PRSS22: variants seen among roughly 807,000 people sequenced by gnomAD.
The protein encoded by PRSS22 is serine protease 22.
Under a neutral mutation model 28.0 loss-of-function variants are expected in PRSS22, and 26 were observed. That is an observed-to-expected ratio of 0.93 (90% CI 0.68 to 1.29). The LOEUF is 1.29. Among genes scored for constraint, PRSS22 ranks in the 50% most tolerant of loss-of-function variants. The pLI, the probability that PRSS22 is intolerant of heterozygous loss-of-function variation, is 0.00. For synonymous variants in PRSS22, 217 were observed against 177.9 expected, an observed-to-expected ratio of 1.22 and a Z score of -1.75; for missense variants, 444 against 422.1, an observed-to-expected ratio of 1.05 and a Z score of -0.46.
At position 2,855,347 on chromosome 16, in the gene PRSS22, C is replaced by CAAAAAAAA. The variant is rs33950878; in HGVS notation, c.559+219_559+226dup. Among the ~76,000 whole-genome samples the CAAAAAAAA allele has an allele frequency of 3.6e-3, 246 of 68,994 alleles. 14 individuals carry two copies. The highest frequency in any genetic ancestry group is 0.014 in the African/African-American group (227 of 15,814). The allele number at this position is 68,994 out of a possible 152,430, so 45.3% of individuals were successfully genotyped here. On this transcript the variant is annotated intron_variant, in intron 4 of 5. Coordinates refer to ENST00000161006, the MANE Select transcript of PRSS22 (RefSeq NM_022119.4). ...TGGGTGACAGAGTAACACCCTGTCT[C>CAAAAAAAA]AAAAAAAAAAAAAAAAAAAAGAAGA... is the stretch of plus-strand genomic sequence containing the variant.
At position 2,852,871 on chromosome 16, in the gene PRSS22, C is replaced by A. The variant is rs1431619341; in HGVS notation, c.*222G>T. 1 of 536,788 alleles carries A rather than the reference C, an allele frequency of 1.9e-6. No homozygotes were observed. The highest frequency in any genetic ancestry group is 3.7e-5 in the Admixed American group (1 of 27,006). 33.3% of individuals were successfully genotyped at this position (536,788 alleles called of 1,614,324 possible). A position where few individuals can be genotyped will look rare whatever the true frequency, so the allele number is the denominator to read the frequency against. On this transcript the variant is annotated 3_prime_UTR_variant, in exon 6 of 6. Transcript: ENST00000161006. ...GGGCCGGAAGTCGTGGGGGCGGGGA[C>A]ATGAGGCCGTTGGGCGGGGCCTGAT... is the stretch of plus-strand genomic sequence containing the variant.
At chr16:2,856,699 A>C (rs2069460903) in intron 2 of PRSS22, 123 bp downstream of exon 2, 1 of 1,136,028 alleles carries the variant, frequency 8.8e-7, no homozygotes, top group Non-Finnish European at 1.3e-6. Context: ...CTTCCCCTCT[A>C]GCTCTTTCCC....
rs746447517 is a variant in PRSS22 at position 2,856,080 on chromosome 16, A to G, written c.281+2T>C. On this transcript the variant is annotated splice_donor_variant, in intron 3 of 5. Transcript: ENST00000161006. LOFTEE classifies it high-confidence loss of function. ...CAAGTGCCCCAGGCCGGCTGTACAT[A>G]CTCCTTGAAACAGTGGGCAGCAGTG... is the stretch of plus-strand genomic sequence containing the variant. 1.9e-6 allele frequency: 3 copies of G among 1,613,196 alleles called. No individual in the cohort carries two copies. The highest frequency in any genetic ancestry group is 2.7e-5 in the African/African-American group (2 of 74,790).
chr16:2,853,847 G>T lies in PRSS22; in HGVS notation c.717+18C>A. ...CGAGGCCCTCCTGGCCAGGGGTGGG[G>T]GGCTCGAGGGAGCTCACCAGACAAG... On this transcript the variant is annotated intron_variant, in intron 5 of 5. Transcript: ENST00000161006. The surrounding 1 kb of genome is among the most constrained non-coding windows in gnomAD (Gnocchi z 4.6). 6.2e-7 allele frequency: 1 copy of T among 1,612,816 alleles called. No homozygotes were observed. The highest frequency in any genetic ancestry group is 8.5e-7 in the Non-Finnish European group (1 of 1,179,778).
In PRSS22 at chr16:2,855,661, G is replaced by A. The variant is rs375061746; in HGVS notation, c.472C>T (p.Leu158=). 89 of 1,614,084 alleles carry A rather than the reference G, an allele frequency of 5.5e-5. No individual in the cohort carries two copies. The highest frequency in any genetic ancestry group is 7.0e-5 in the Non-Finnish European group (83 of 1,180,052). ...GAGGCATCAGGTAGGCAGATGGGCA[G>A]GACCCGCTCTGAGAACTGTATGGAG... ...ERSIQFSERV[L]PICLPDASIH... is the part of the protein sequence containing the mutation. Residue 158 remains leucine (L), a synonymous_variant, in exon 4 of 6, where the codon CTG becomes TTG. Transcript: ENST00000161006.
chr16:2,858,002 A>G (rs955423670), intron 1 of PRSS22, 21 bp downstream of exon 1: 26 of 1,267,744 alleles, frequency 2.1e-5, no homozygotes, highest in Non-Finnish European at 2.3e-5. Context: ...GGGAGGAGGG[A>G]GGAGCAGCCT....
Position 2,854,292 on chromosome 16 carries a change from G to C in PRSS22, c.560-270C>G, listed in dbSNP as rs1167018331. The C allele has an allele frequency of 1.2e-5, 5 of 413,862 alleles. No homozygotes were observed. In the Admixed American group the frequency reaches 1.8e-4, roughly 15 times the overall value. 25.6% of individuals were successfully genotyped at this position (413,862 alleles called of 1,614,324 possible). A position where few individuals can be genotyped will look rare whatever the true frequency, so the allele number is the denominator to read the frequency against. On this transcript the variant is annotated intron_variant, in intron 4 of 5. Transcript: ENST00000161006. Reference sequence around the variant, plus strand: ...TCCACAGATGGTTAGAGCCCTTCCTGTCTCAGATACTGCATTACTTCATCC... The same window carrying C: ...TCCACAGATGGTTAGAGCCCTTCCTCTCTCAGATACTGCATTACTTCATCC...
At position 2,856,062 on chromosome 16, in the gene PRSS22, C is replaced by T. The variant is rs774526540; in HGVS notation, c.281+20G>A. On this transcript the variant is annotated intron_variant, in intron 3 of 5. Transcript: ENST00000161006. The stretch of plus-strand genomic sequence containing the variant: ...CCCAGGGCCTTAGAAGATCAAGTGC[C>T]CCAGGCCGGCTGTACATACTCCTTG... 1.2e-6 allele frequency: 2 copies of T among 1,610,040 alleles called. No individual in the cohort carries two copies. The highest frequency in any genetic ancestry group is 1.7e-5 in the Admixed American group (1 of 59,892).
rs377217982 is a variant in PRSS22 at position 2,855,848 on chromosome 16, G to A, written c.285C>T (p.Asn95=). The change falls in exon 4 of 6, where the codon AAC becomes AAT. Residue 95 remains asparagine (N), a synonymous_variant. Transcript: ENST00000161006. ...VITAAHCFKD[N]LNKPYLFSVL... ...CAGAGAACAGGTATGGTTTGTTCAG[G>A]TTGCTGGAAGGAAAGGGAAGGGGAG... 4 of 1,610,810 alleles carry A rather than the reference G, an allele frequency of 2.5e-6. No individual in the cohort carries two copies. The African/African-American group carries it at 4.0e-5, about 16-fold the overall frequency.
chr16:2,853,128 G>C lies in PRSS22; in HGVS notation c.919C>G (p.Pro307Ala), dbSNP rs1219417710. 3.8e-6 allele frequency: 6 copies of C among 1,596,260 alleles called. No individual in the cohort carries two copies. Among genetic ancestry groups the C allele is most frequent in the Non-Finnish European group, 5.1e-6 (6 of 1,178,338 alleles). ...GCGGCGGCCCCAGAGCCCTGGCTCG[G>C]TGCCCTGAGGGCCCCACCCCCCTGA... The part of the protein sequence containing the change: ...RAQGGGALRA[P>A]SQGSGAAARS Residue 307 changes from proline (P) to alanine (A), a missense_variant, in exon 6 of 6, where the codon CCG (proline) becomes GCG (alanine). Physicochemically the swap from Pro to Ala is conservative, Grantham distance 27 (BLOSUM62 -1). Transcript: ENST00000161006. This position sits in a 1 kb window ranked among gnomAD's most constrained non-coding sequence, Gnocchi z 4.6.
rs1301790668 is a variant in PRSS22, at chr16:2,853,265, C to G, written c.782G>C (p.Ser261Thr). 6 of 1,600,764 alleles carry G rather than the reference C, an allele frequency of 3.7e-6. No homozygotes were observed. The South Asian group carries it at 6.6e-5, about 18-fold the overall frequency. The change falls in exon 6 of 6, where the codon AGC becomes ACC. Residue 261 changes from serine (S) to threonine (T), a missense_variant. By Grantham distance (58) the Ser-to-Thr change is moderately conservative. Coordinates refer to ENST00000161006, the MANE Select transcript of PRSS22 (RefSeq NM_022119.4). This position sits in a 1 kb window ranked among gnomAD's most constrained non-coding sequence, Gnocchi z 4.6. The stretch of plus-strand genomic sequence containing the variant: ...GCGCTCGGCACAGCCCTCGCCCCAG[C>G]TGATGATGCCGGCCAGCAGCCAGGC... ...DGAWLLAGII[S>T]WGEGCAERNR...
Position 2,858,129 on chromosome 16 carries a change from A to G in PRSS22, c.-25T>C. 8.0e-7 allele frequency: 1 copy of G among 1,256,988 alleles called. No homozygotes were observed. The highest frequency in any genetic ancestry group is 3.1e-5 in the East Asian group (1 of 31,864). 77.9% of individuals were successfully genotyped at this position (1,256,988 alleles called of 1,614,324 possible). On this transcript the variant is annotated 5_prime_UTR_variant, in exon 1 of 6. Transcript: ENST00000161006. Reference sequence around the variant, plus strand: ...TGGCTGGTGGGGCGGGGGAGCAGGCAGCAGGCTCGAGAGACCCAGGGCGAT... The same window carrying G: ...TGGCTGGTGGGGCGGGGGAGCAGGCGGCAGGCTCGAGAGACCCAGGGCGAT...
rs1419218737 is a variant in PRSS22, at chr16:2,855,867, A to C, written c.282-16T>G. On this transcript the variant is annotated splice_polypyrimidine_tract_variant and intron_variant, in intron 3 of 5. Transcript: ENST00000161006. ...GTTCAGGTTGCTGGAAGGAAAGGGA[A>C]GGGGAGGATCAGCCAGGCCTGGTCT... 1 of 1,606,868 alleles carries C rather than the reference A, an allele frequency of 6.2e-7. No individual in the cohort carries two copies. The highest frequency in any genetic ancestry group is 8.5e-7 in the Non-Finnish European group (1 of 1,177,950).
At chr16:2,854,980 G>C (rs1336545216) in intron 4 of PRSS22, among the ~76,000 whole-genome samples, 1 of 152,040 alleles carries the variant, frequency 6.6e-6, no homozygotes, top group African/African-American at 2.4e-5. Context: ...CCCCCTTTCA[G>C]CCATTCCTGT....
At chr16:2,854,097 CA>C in intron 4 of PRSS22, 75 bp from the exon 5 acceptor site, 1 of 1,523,778 alleles carries the variant, frequency 6.6e-7, no homozygotes, top group South Asian at 1.2e-5. Flanking sequence ...TATTCCCCCC[CA>C]ACACCATTCC....
Position 2,858,099 on chromosome 16 carries a change from C to T in PRSS22, c.6G>A (p.Val2=). 7.9e-7 allele frequency: 1 copy of T among 1,265,516 alleles called. No homozygotes were observed. Among genetic ancestry groups the T allele is most frequent in the Non-Finnish European group, 1.0e-6 (1 of 997,876 alleles). The allele number at this position is 1,265,516 out of a possible 1,614,324, so 78.4% of individuals were successfully genotyped here. M[V]VSGAPPALGG... ...CCAGGGCTGGGGGCGCTCCAGAAAC[C>T]ACCATGGCTGGTGGGGCGGGGGAGC... The change falls in exon 1 of 6, where the codon GTG becomes GTA. Residue 2 remains valine (V), a synonymous_variant. Coordinates refer to ENST00000161006, the MANE Select transcript of PRSS22 (RefSeq NM_022119.4).
intron 1 of PRSS22, 74 bp downstream of exon 1, chr16:2,857,949 A>T: frequency 8.9e-7 from 1 of 1,123,310 alleles, no homozygotes; most frequent in Admixed American, 4.2e-5. Context: ...GCCAGGAGGG[A>T]GAGAGGGAGG....
rs1464340822 is a variant in PRSS22 at position 2,856,066 on chromosome 16, G to C, written c.281+16C>G. The C allele has an allele frequency of 6.2e-7, 1 of 1,610,902 alleles. No homozygotes were observed. Among genetic ancestry groups the C allele is most frequent in the Middle Eastern group, 1.7e-4 (1 of 5,854 alleles). Reference sequence around the variant, plus strand: ...GGGCCTTAGAAGATCAAGTGCCCCAGGCCGGCTGTACATACTCCTTGAAAC... The same window carrying C: ...GGGCCTTAGAAGATCAAGTGCCCCACGCCGGCTGTACATACTCCTTGAAAC... On this transcript the variant is annotated intron_variant, in intron 3 of 5. Coordinates refer to ENST00000161006, the MANE Select transcript of PRSS22 (RefSeq NM_022119.4).
At position 2,855,552 on chromosome 16, in the gene PRSS22, C is replaced by T. The variant is rs192577114; in HGVS notation, c.559+22G>A. ...TCTGTCCCCATCTGCCCCCAACCAC[C>T]TTGGAGAGGAAGAAGCCGCACCTCC... On this transcript the variant is annotated intron_variant, in intron 4 of 5. Coordinates refer to ENST00000161006, the MANE Select transcript of PRSS22 (RefSeq NM_022119.4). 5.1e-5 allele frequency: 82 copies of T among 1,613,288 alleles called. No homozygotes were observed. In the African/African-American group the frequency reaches 1.0e-3, roughly 20 times the overall value.
Sources: allele counts gnomAD v4.1 joint callset (sites outside exome capture counted in the v4.1 genomes callset), GRCh38; gene constraint gnomAD v4.1.1; non-coding constraint Gnocchi (gnomAD v3.1); transcripts MANE v1.5; gene names NCBI Gene and HGNC (gene_info 2026-07-23, HGNC 2026-07-21).